TIGAR: variants seen among roughly 807,000 people sequenced by gnomAD.
The protein encoded by TIGAR is TP53 induced glycolysis regulatory phosphatase.
TIGAR carries 7 observed loss-of-function variants against 17.9 expected under a neutral mutation model. The observed-to-expected ratio is 0.39, with a 90% CI of 0.22 to 0.73. The LOEUF (loss-of-function observed/expected upper bound fraction) is 0.73, where lower values mean the gene tolerates loss of function less well. Ranked by LOEUF, TIGAR falls within the 30% of genes least tolerant of loss-of-function variation. The pLI, the probability that TIGAR is intolerant of heterozygous loss-of-function variation, is 0.42. For synonymous variants in TIGAR, 94 were observed against 108.6 expected, an observed-to-expected ratio of 0.87 and a Z score of 0.84; for missense variants, 258 against 327.4, an observed-to-expected ratio of 0.79 and a Z score of 1.64.
chr12:4,334,420 A>G (rs1411584061), intron 2 of TIGAR, among the ~76,000 whole-genome samples: 3 of 152,142 alleles, frequency 2.0e-5, no homozygotes, highest in Non-Finnish European at 4.4e-5. Flanking sequence ...GCCTCCTAAT[A>G]CGATCACATT....
At chr12:4,332,424 G>C (rs933010039) in intron 2 of TIGAR, among the ~76,000 whole-genome samples, 10 of 151,524 alleles carry the variant, frequency 6.6e-5, no homozygotes, top group African/African-American at 2.2e-4. Context: ...TTGTATTTTT[G>C]GTAGAGGTGG....
At chr12:4,350,762 G>A (rs1210172874) in intron 4 of TIGAR, among the ~76,000 whole-genome samples, 1 of 149,558 alleles carries the variant, frequency 6.7e-6, no homozygotes. Flanking sequence ...GGGTGACAGA[G>A]CGAGATTCCG....
rs955459574 is a variant in TIGAR at position 4,355,967 on chromosome 12, C to T, written c.*3276C>T. Among the ~76,000 whole-genome samples, 4 of 152,100 alleles carry T rather than the reference C, an allele frequency of 2.6e-5. No homozygotes were observed. The highest frequency in any genetic ancestry group is 2.9e-5 in the Non-Finnish European group (2 of 67,994). On this transcript the variant is annotated 3_prime_UTR_variant, in exon 6 of 6. Coordinates refer to ENST00000179259, the MANE Select transcript of TIGAR (RefSeq NM_020375.3). ...TTGAGCAAGGGGGATGGGAGAGTGA[C>T]GGGAGAAGAGGACAGGCCACATGGC...
chr12:4,323,013 C>G (rs190407876), intron 1 of TIGAR, among the ~76,000 whole-genome samples: 1 of 151,794 alleles, frequency 6.6e-6, no homozygotes, highest in Non-Finnish European at 1.5e-5. Flanking sequence ...CCCCTGTAAT[C>G]CTAGCACGTT....
At position 4,352,856 on chromosome 12, in the gene TIGAR, GA is replaced by G. The variant is rs1864852489; in HGVS notation, c.*167del. The G allele has an allele frequency of 1.6e-6, 1 of 613,030 alleles. No individual in the cohort carries two copies. Among genetic ancestry groups the G allele is most frequent in the Non-Finnish European group, 2.8e-6 (1 of 361,788 alleles). The allele number at this position is 613,030 out of a possible 1,614,324, so 38.0% of individuals were successfully genotyped here. ...TAAAACTTTAATGGACAACCATATA[GA>G]ATTAACTTATTTTGTCCAAGTACAG... On this transcript the variant is annotated 3_prime_UTR_variant, in exon 6 of 6. Transcript: ENST00000179259.
In TIGAR at chr12:4,323,191, T is replaced by C. The variant is rs554096862; in HGVS notation, c.32+1888T>C. ...TGAGGCAGGAAGATCACTTGGATCA[T>C]GTGAGCCTGGGAAGTGAGGGCTGTA... On this transcript the variant is annotated intron_variant, in intron 1 of 5. Coordinates refer to ENST00000179259, the MANE Select transcript of TIGAR (RefSeq NM_020375.3). Among the ~76,000 whole-genome samples the C allele has an allele frequency of 3.3e-5, 5 of 151,414 alleles. No individual in the cohort carries two copies. The East Asian group carries it at 9.7e-4, about 29-fold the overall frequency.
At chr12:4,342,886 A>T (rs1864739520) in intron 3 of TIGAR, among the ~76,000 whole-genome samples, 1 of 152,230 alleles carries the variant, frequency 6.6e-6, no homozygotes, top group Non-Finnish European at 1.5e-5. Context: ...ACACATAACA[A>T]TATTAACCTT....
intron 1 of TIGAR, chr12:4,324,758 G>A (rs1001739718): frequency 4.3e-6 from 3 of 699,504 alleles, no homozygotes; most frequent in Admixed American, 2.1e-5. Context: ...CCAAGTCTGT[G>A]CCGCGGTAGG....
In TIGAR at chr12:4,353,575, A is replaced by G. The variant is rs1169516322; in HGVS notation, c.*884A>G. The stretch of plus-strand genomic sequence containing the variant: ...CTCTGGGCCGGGCCCAGTGGCTCAC[A>G]CCTGTAATCCCAGCACTTTGGGAGG... On this transcript the variant is annotated 3_prime_UTR_variant, in exon 6 of 6. Transcript: ENST00000179259. 3 of 152,374 alleles carry G rather than the reference A, an allele frequency of 2.0e-5. No individual in the cohort carries two copies. The highest frequency in any genetic ancestry group is 4.4e-5 in the Non-Finnish European group (3 of 68,218). The allele number at this position is 152,374 out of a possible 1,614,324, so 9.4% of individuals were successfully genotyped here.
At chr12:4,335,589 G>A (rs1030050373) in intron 2 of TIGAR, 4 of 152,242 alleles carry the variant, frequency 2.6e-5, no homozygotes. Flanking sequence ...GTAATGTGGA[G>A]AGGCCCTCAC....
At position 4,356,440 on chromosome 12, in the gene TIGAR, T is replaced by C. The variant is rs879699345; in HGVS notation, c.*3749T>C. 2.6e-5 allele frequency among the ~76,000 whole-genome samples: 4 copies of C among 152,222 alleles called. No individual in the cohort carries two copies. Among genetic ancestry groups the C allele is most frequent in the Admixed American group, 6.5e-5 (1 of 15,282 alleles). On this transcript the variant is annotated 3_prime_UTR_variant, in exon 6 of 6. Coordinates refer to ENST00000179259, the MANE Select transcript of TIGAR (RefSeq NM_020375.3). ...CTTAATTTTTTAAGAGAAACTTTAATTTCCCAGCAAAAGTGAGAGGAAGGT... is the reference window on the plus strand; with the variant it reads ...CTTAATTTTTTAAGAGAAACTTTAACTTCCCAGCAAAAGTGAGAGGAAGGT...
intron 1 of TIGAR, among the ~76,000 whole-genome samples, chr12:4,327,699 T>C (rs1864561199): frequency 6.6e-6 from 1 of 152,168 alleles, no homozygotes; most frequent in Non-Finnish European, 1.5e-5. Flanking sequence ...CTAGCGAGGA[T>C]GTTACTTGTT....
At chr12:4,325,495 C>T (rs1864535589) in intron 1 of TIGAR, among the ~76,000 whole-genome samples, 1 of 151,990 alleles carries the variant, frequency 6.6e-6, no homozygotes, top group Non-Finnish European at 1.5e-5. Context: ...AATCCCAGCA[C>T]TTTGGGAGGC....
intron 1 of TIGAR, among the ~76,000 whole-genome samples, chr12:4,326,387 T>C (rs78645474): frequency 0.049 from 7,437 of 152,332 alleles, 534 homozygotes; most frequent in East Asian, 0.33. Context: ...AAACAGTTAC[T>C]TCAAGGATTT....
chr12:4,331,907 A>G (rs1864607290), intron 2 of TIGAR, among the ~76,000 whole-genome samples: 1 of 152,158 alleles, frequency 6.6e-6, no homozygotes, highest in Admixed American at 6.5e-5. Context: ...TTATAAAAGC[A>G]TTTAGTTTTA....
chr12:4,324,438 C>G (rs1241590434), intron 1 of TIGAR: 1 of 1,522,822 alleles, frequency 6.6e-7, no homozygotes, highest in African/African-American at 1.4e-5. Context: ...GCTTCACCAG[C>G]TTATAGGTGA....
At chr12:4,327,327 T>A (rs1864555579) in intron 1 of TIGAR, among the ~76,000 whole-genome samples, 1 of 151,278 alleles carries the variant, frequency 6.6e-6, no homozygotes, top group Non-Finnish European at 1.5e-5. Flanking sequence ...GAGAATCGCT[T>A]GAATCCTGGA....
At chr12:4,340,919 C>T (rs1864712650) in intron 3 of TIGAR, among the ~76,000 whole-genome samples, 1 of 152,096 alleles carries the variant, frequency 6.6e-6, no homozygotes, top group Non-Finnish European at 1.5e-5. Context: ...AATCTAAGAC[C>T]TCAAACTATG....
chr12:4,351,427 G>C (rs752821387), intron 5 of TIGAR, 50 bp downstream of exon 5: 2 of 1,504,740 alleles, frequency 1.3e-6, no homozygotes, highest in Non-Finnish European at 9.2e-7. Context: ...CTCAAAATTA[G>C]ATGTTTTGGA....
Sources: allele counts gnomAD v4.1 joint callset (sites outside exome capture counted in the v4.1 genomes callset), GRCh38; gene constraint gnomAD v4.1.1; transcripts MANE v1.5; gene names NCBI Gene and HGNC (gene_info 2026-07-23, HGNC 2026-07-21).